ZNF628: variants seen among roughly 807,000 people sequenced by gnomAD.
ZNF628 encodes the protein zinc finger protein Zec.
A neutral mutation model predicts 2.5 loss-of-function variants in ZNF628; 3 were observed. That is an observed-to-expected ratio of 1.19 (90% confidence interval 0.54 to 3.07). ZNF628 has a LOEUF of 3.07. ZNF628 is among the 30% of genes most tolerant of loss of function. The pLI, the probability that ZNF628 is intolerant of heterozygous loss-of-function variation, is 0.03. For synonymous variants in ZNF628, 861 were observed against 717.1 expected (o/e 1.20, Z -3.21); for missense variants, 1,610 against 1,517.1 (o/e 1.06, Z -1.02).
In ZNF628 at chr19:55,482,325, C is replaced by A. The variant is rs1217532964; in HGVS notation, c.1132C>A (p.His378Asn). 1.4e-6 allele frequency: 2 copies of A among 1,461,088 alleles called. No individual in the cohort carries two copies. Among genetic ancestry groups the A allele is most frequent in the African/African-American group, 3.0e-5 (2 of 67,420 alleles). 90.5% of individuals were successfully genotyped at this position (1,461,088 alleles called of 1,614,324 possible). Residue 378 changes from histidine to asparagine, a missense_variant, in exon 3 of 3, where the codon CAC (histidine) becomes AAC (asparagine). His to Asn is a moderately conservative substitution (Grantham distance 68, BLOSUM62 1). Around this residue, in one of 5 missense-constraint regions of ZNF628, gnomAD observed 651 missense variants for 575.6 expected, o/e 1.13. Transcript: ENST00000598519. ...TGGGCTCTCCCGCCACCAGCACAGC[C>A]ACGGGGCTGCCGGCGGGCAAGCGTT... ...VAGLSRHQHS[H>N]GAAGGQAFRC...
intron 2 of ZNF628, among the ~76,000 whole-genome samples, chr19:55,480,800 G>C (rs541661562): frequency 6.6e-6 from 1 of 152,320 alleles, no homozygotes; most frequent in South Asian, 2.1e-4. Flanking sequence ...TGGAGGATAA[G>C]GTCTTAGAGG....
At chr19:55,477,533 G>C (rs1185087633) in intron 1 of ZNF628, among the ~76,000 whole-genome samples, 1 of 151,872 alleles carries the variant, frequency 6.6e-6, no homozygotes, top group Admixed American at 6.6e-5. Flanking sequence ...AGGCCGAGGC[G>C]GGCGGATCAC....
rs1042726635 is a variant in ZNF628, at chr19:55,484,303, C to T, written c.3110C>T (p.Thr1037Ile). 2.1e-5 allele frequency: 32 copies of T among 1,509,456 alleles called. No homozygotes were observed. The highest frequency in any genetic ancestry group is 4.9e-5 in the East Asian group (2 of 40,502). 93.5% of individuals were successfully genotyped at this position (1,509,456 alleles called of 1,614,324 possible). The change falls in exon 3 of 3, where the codon ACC (threonine) becomes ATC (isoleucine). Residue 1037 changes from threonine (T) to isoleucine (I), a missense_variant. Transcript: ENST00000598519. The part of the protein sequence containing the change: ...VPAGAGPGVM[T>I]PQGLPSIQIV... ...GCAGGAGCTGGGCCTGGTGTTATGACCCCTCAGGGCCTGCCCTCCATCCAG... is the reference window on the plus strand; with the variant it reads ...GCAGGAGCTGGGCCTGGTGTTATGATCCCTCAGGGCCTGCCCTCCATCCAG...
chr19:55,482,945 C>T lies in ZNF628; in HGVS notation c.1752C>T (p.His584=). ...SFAQTSNLRQ[H]QRVHTGERPF... The stretch of plus-strand genomic sequence containing the variant: ...CGCAGACCTCCAACCTGCGGCAGCA[C>T]CAGCGCGTGCACACGGGCGAGCGGC... Residue 584 remains histidine, a synonymous_variant, in exon 3 of 3, where the codon CAC becomes CAT. Coordinates refer to ENST00000598519, the MANE Select transcript of ZNF628 (RefSeq NM_033113.3). The T allele has an allele frequency of 6.2e-7, 1 of 1,610,062 alleles. No individual in the cohort carries two copies.
Position 55,483,358 on chromosome 19 carries a change from A to G in ZNF628, c.2165A>G (p.Gln722Arg). 6.5e-7 allele frequency: 1 copy of G among 1,541,766 alleles called. No individual in the cohort carries two copies. Among genetic ancestry groups the G allele is most frequent in the South Asian group, 1.2e-5 (1 of 83,726 alleles). ...FLLVQTAQGLQLIPSSVQPPT... is the reference protein window; with the variant it reads ...FLLVQTAQGLRLIPSSVQPPT... ...CTGGTGCAAACTGCCCAGGGCCTCC[A>G]GCTGATCCCCAGCAGCGTGCAGCCC... The change falls in exon 3 of 3, where the codon CAG becomes CGG. Residue 722 changes from glutamine to arginine, a missense_variant. Coordinates refer to ENST00000598519, the MANE Select transcript of ZNF628 (RefSeq NM_033113.3).
At position 55,481,549 on chromosome 19, in the gene ZNF628, C is replaced by T. The variant is rs1464129761; in HGVS notation, c.356C>T (p.Ala119Val). ...IHRSVHTGLR[A>V]FICGQCGLAF... ...CGTAGCGTGCACACCGGCCTGCGGG[C>T]CTTCATCTGCGGCCAGTGCGGCCTG... Residue 119 changes from alanine (A) to valine (V), a missense_variant, in exon 3 of 3, where the codon GCC becomes GTC. This residue lies in a region of ZNF628 where 166 missense variants were observed against 241.3 expected (regional missense o/e 0.69). Transcript: ENST00000598519. The T allele has an allele frequency of 6.2e-7, 1 of 1,613,446 alleles. No individual in the cohort carries two copies. Among genetic ancestry groups the T allele is most frequent in the African/African-American group, 1.3e-5 (1 of 74,940 alleles).
Position 55,479,852 on chromosome 19 carries a change from G to C in ZNF628, c.-59G>C. On this transcript the variant is annotated 5_prime_UTR_variant, in exon 2 of 3. Transcript: ENST00000598519. The surrounding 1 kb of genome is among the most constrained non-coding windows in gnomAD (Gnocchi z 5.1). ...TTCACAGAGGCATGATCAAGGACAG[G>C]GTTGCCTGCCAAGAACAGGAGGGGA... 2.5e-6 allele frequency: 1 copy of C among 400,088 alleles called. No homozygotes were observed. Among genetic ancestry groups the C allele is most frequent in the Non-Finnish European group, 4.4e-6 (1 of 226,710 alleles). 24.8% of individuals were successfully genotyped at this position (400,088 alleles called of 1,614,324 possible). A position where few individuals can be genotyped will look rare whatever the true frequency, so the allele number is the denominator to read the frequency against.
In ZNF628 at chr19:55,481,648, A is replaced by G. The variant is rs1386278782; in HGVS notation, c.455A>G (p.Asp152Gly). Residue 152 changes from aspartate to glycine, a missense_variant, in exon 3 of 3, where the codon GAC becomes GGC. By Grantham distance (94) the Asp-to-Gly change is moderately conservative. Transcript: ENST00000598519. ...GGCGAGCGCCCCTACCCGTGCCCGG[A>G]CTGCCCCAAGGCCTTCAAGAACTCG... is the stretch of plus-strand genomic sequence containing the variant. The part of the protein sequence containing the change: ...HTGERPYPCP[D>G]CPKAFKNSSS... 1 of 1,609,594 alleles carries G rather than the reference A, an allele frequency of 6.2e-7. No homozygotes were observed. The highest frequency in any genetic ancestry group is 1.1e-5 in the South Asian group (1 of 90,584).
chr19:55,482,913 A>G lies in ZNF628; in HGVS notation c.1720A>G (p.Ser574Gly). The G allele has an allele frequency of 1.2e-6, 2 of 1,607,598 alleles. No individual in the cohort carries two copies. Among genetic ancestry groups the G allele is most frequent in the Non-Finnish European group, 1.7e-6 (2 of 1,178,308 alleles). Residue 574 changes from serine (S) to glycine (G), a missense_variant, in exon 3 of 3, where the codon AGC (serine) becomes GGC (glycine). By Grantham distance (56) the Ser-to-Gly change is moderately conservative. This residue lies in a region of ZNF628 where 651 missense variants were observed against 575.6 expected (regional missense o/e 1.13). Coordinates refer to ENST00000598519, the MANE Select transcript of ZNF628 (RefSeq NM_033113.3). ...CCACGCCTGCGGTGTCTGCGGCAAG[A>G]GCTTCGCGCAGACCTCCAACCTGCG... ...RPHACGVCGK[S>G]FAQTSNLRQH...
chr19:55,482,680 T>A lies in ZNF628; in HGVS notation c.1487T>A (p.Leu496Gln). ...ECGKAFKRSS[L>Q]LAIHQRVHTG... ...GGCAAGGCCTTCAAGCGCTCCTCCC[T>A]GCTGGCCATCCACCAGCGGGTGCAC... The change falls in exon 3 of 3, where the codon CTG becomes CAG. Residue 496 changes from leucine (L) to glutamine (Q), a missense_variant. Physicochemically the swap from Leu to Gln is moderately radical, Grantham distance 113 (BLOSUM62 -2). Around this residue, in one of 5 missense-constraint regions of ZNF628, gnomAD observed 651 missense variants for 575.6 expected, o/e 1.13. Transcript: ENST00000598519. 1 of 1,610,918 alleles carries A rather than the reference T, an allele frequency of 6.2e-7. No individual in the cohort carries two copies. Among genetic ancestry groups the A allele is most frequent in the Non-Finnish European group, 8.5e-7 (1 of 1,179,046 alleles).
intron 2 of ZNF628, among the ~76,000 whole-genome samples, chr19:55,480,536 T>G (rs1216730044): frequency 6.6e-6 from 1 of 152,222 alleles, no homozygotes; most frequent in Non-Finnish European, 1.5e-5. Flanking sequence ...TTCTCCCGCC[T>G]CAGCCTCCTG....
Position 55,481,402 on chromosome 19 carries a change from C to A in ZNF628, c.209C>A (p.Pro70His), listed in dbSNP as rs1986695523. 6.2e-7 allele frequency: 1 copy of A among 1,612,534 alleles called. No homozygotes were observed. The highest frequency in any genetic ancestry group is 1.3e-5 in the African/African-American group (1 of 74,700). ...CGGCCCTACAAGTGCCCAGACTGCC[C>A]CAAGGCTTTCAAAGGCTCCTCGGCC... ...GERPYKCPDC[P>H]KAFKGSSALL... The change falls in exon 3 of 3, where the codon CCC becomes CAC. Residue 70 changes from proline (P) to histidine (H), a missense_variant. Pro to His is a moderately conservative substitution (Grantham distance 77, BLOSUM62 -2). Around this residue, in one of 5 missense-constraint regions of ZNF628, gnomAD observed 166 missense variants for 241.3 expected, o/e 0.69. Coordinates refer to ENST00000598519, the MANE Select transcript of ZNF628 (RefSeq NM_033113.3).
intron 1 of ZNF628, among the ~76,000 whole-genome samples, chr19:55,477,747 G>A (rs552615060): frequency 5.5e-5 from 8 of 145,390 alleles, no homozygotes; most frequent in African/African-American, 1.8e-4. Context: ...CGGTGACAGA[G>A]TGAGACCCTG....
In ZNF628 at chr19:55,481,537, C is replaced by T. The variant is rs1191558770; in HGVS notation, c.344C>T (p.Thr115Ile). 1.2e-6 allele frequency: 2 copies of T among 1,613,436 alleles called. No individual in the cohort carries two copies. The highest frequency in any genetic ancestry group is 1.7e-6 in the Non-Finnish European group (2 of 1,179,710). ...CTGCAGATCCACCGTAGCGTGCACA[C>T]CGGCCTGCGGGCCTTCATCTGCGGC... ...SLLQIHRSVHTGLRAFICGQC... is the reference protein window; with the variant it reads ...SLLQIHRSVHIGLRAFICGQC... Residue 115 changes from threonine to isoleucine, a missense_variant, in exon 3 of 3, where the codon ACC becomes ATC. By Grantham distance (89) the Thr-to-Ile change is moderately conservative (BLOSUM62 -1). Transcript: ENST00000598519.
In ZNF628 at chr19:55,483,109, G is replaced by T; in HGVS notation, c.1916G>T (p.Arg639Leu). ...TTCGTTATGGCCGCCTATCTGCAGC[G>T]GCACCTGAGGACGCACGCCCCGGCC... The part of the protein sequence containing the change: ...RGFVMAAYLQ[R>L]HLRTHAPANT... Residue 639 changes from arginine (R) to leucine (L), a missense_variant, in exon 3 of 3, where the codon CGG becomes CTG. Coordinates refer to ENST00000598519, the MANE Select transcript of ZNF628 (RefSeq NM_033113.3). The T allele has an allele frequency of 6.2e-7, 1 of 1,602,654 alleles. No homozygotes were observed.
At position 55,479,243 on chromosome 19, in the gene ZNF628, G is replaced by A. The variant is rs901942604; in HGVS notation, c.-77-591G>A. ...CGGAGGCCAGGGGGAGGCGGGCCAC[G>A]GACCCAGTGACAAGTGGGCCATTGC... On this transcript the variant is annotated intron_variant, in intron 1 of 2. Transcript: ENST00000598519. This position sits in a 1 kb window ranked among gnomAD's most constrained non-coding sequence, Gnocchi z 5.1. 2.0e-5 allele frequency among the ~76,000 whole-genome samples: 3 copies of A among 152,172 alleles called. No homozygotes were observed. Among genetic ancestry groups the A allele is most frequent in the East Asian group, 1.9e-4 (1 of 5,182 alleles).
chr19:55,481,060 G>T, intron 2 of ZNF628, 141 bp from the exon 3 acceptor site: 1 of 1,129,668 alleles, frequency 8.9e-7, no homozygotes, highest in South Asian at 1.7e-5. Flanking sequence ...GACCATTGGA[G>T]ACCCTCATCC....
At chr19:55,477,982 A>G (rs1355735134) in intron 1 of ZNF628, among the ~76,000 whole-genome samples, 1 of 152,164 alleles carries the variant, frequency 6.6e-6, no homozygotes, top group East Asian at 1.9e-4. Flanking sequence ...CACTGGTTAT[A>G]TAGTAGCGGT....
intron 2 of ZNF628, 123 bp downstream of exon 2, chr19:55,480,040 G>C (rs1239307330): frequency 2.5e-5 from 10 of 396,160 alleles, no homozygotes; most frequent in Non-Finnish European, 4.0e-5. Flanking sequence ...GCAAGGGGGT[G>C]CCTGTCATGG....
Sources: allele counts gnomAD v4.1 joint callset (sites outside exome capture counted in the v4.1 genomes callset), GRCh38; gene constraint gnomAD v4.1.1; regional missense constraint gnomAD v4.1.1; non-coding constraint Gnocchi (gnomAD v3.1); transcripts MANE v1.5; gene names NCBI Gene and HGNC (gene_info 2026-07-23, HGNC 2026-07-21).